The following IMMP1L variants were observed in gnomAD, a reference collection of about 807,000 sequenced individuals.
IMMP1L encodes mitochondrial inner membrane protease subunit 1.
IMMP1L carries 24 observed loss-of-function variants against 21.8 expected under a neutral mutation model. The ratio of observed to expected loss-of-function variants is 1.10; its 90% CI spans 0.80 to 1.55. IMMP1L has a LOEUF of 1.55. Among genes scored for constraint, IMMP1L ranks in the 40% most tolerant of loss-of-function variants. The probability of loss-of-function intolerance (pLI) is 0.00; values close to 1 mark genes in which losing one functional copy is unlikely to be tolerated. For synonymous variants in IMMP1L, 46 were observed against 62.8 expected (o/e 0.73, Z 1.26); for missense variants, 195 against 200.7 (o/e 0.97, Z 0.17).
intron 1 of IMMP1L, among the ~76,000 whole-genome samples, chr11:31,470,237 A>G (rs1419193160): frequency 6.6e-6 from 1 of 152,130 alleles, no homozygotes; most frequent in Non-Finnish European, 1.5e-5. Flanking sequence ...AACAAGGAGA[A>G]ACCCCGTCTC....
At chr11:31,454,449 C>CCAA (rs1953869157) in intron 4 of IMMP1L, among the ~76,000 whole-genome samples, 2 of 30,406 alleles carry the variant, frequency 6.6e-5, no homozygotes, top group African/African-American at 1.8e-4. Context: ...AAGACCATGT[C>CCAA]AAAAAAAAAA....
intron 4 of IMMP1L, among the ~76,000 whole-genome samples, chr11:31,438,432 C>A (rs1953199061): frequency 6.6e-6 from 1 of 152,006 alleles, no homozygotes; most frequent in Non-Finnish European, 1.5e-5. Context: ...GGATACAAGT[C>A]CTTTGATGGG....
intron 1 of IMMP1L, among the ~76,000 whole-genome samples, chr11:31,464,266 C>A (rs992413726): frequency 6.6e-6 from 1 of 151,812 alleles, no homozygotes; most frequent in African/African-American, 2.4e-5. Flanking sequence ...TGCTTATTAT[C>A]ATCACAAAGT....
At chr11:31,473,874 T>C in intron 1 of IMMP1L, 2 of 280,774 alleles carry the variant, frequency 7.1e-6, no homozygotes, top group Non-Finnish European at 1.1e-5. Flanking sequence ...TATATATGTA[T>C]ATATATGTCA....
intron 1 of IMMP1L, among the ~76,000 whole-genome samples, chr11:31,490,100 G>A (rs146302063): frequency 4.6e-4 from 70 of 152,266 alleles, no homozygotes; most frequent in African/African-American, 1.6e-3. Flanking sequence ...ACATTGATGT[G>A]AGTAAATATT....
intron 1 of IMMP1L, among the ~76,000 whole-genome samples, chr11:31,483,684 AAT>A (rs1375582246): frequency 1.6e-4 from 24 of 151,994 alleles, no homozygotes; most frequent in African/African-American, 5.8e-4. Context: ...CAGTATACAG[AAT>A]ATATGATTGC....
intron 1 of IMMP1L, among the ~76,000 whole-genome samples, chr11:31,470,073 A>G (rs1591994313): frequency 6.6e-6 from 1 of 152,374 alleles, no homozygotes; most frequent in East Asian, 1.9e-4. Flanking sequence ...GTAATAAAAT[A>G]TACGCTAACA....
At chr11:31,484,565 C>T (rs1285964802) in intron 1 of IMMP1L, among the ~76,000 whole-genome samples, 1 of 151,846 alleles carries the variant, frequency 6.6e-6, no homozygotes, top group Non-Finnish European at 1.5e-5. Flanking sequence ...ACACACAAAG[C>T]TACAATGAAA....
At chr11:31,453,133 C>T in intron 4 of IMMP1L, 1 of 1,284,370 alleles carries the variant, frequency 7.8e-7, no homozygotes, top group African/African-American at 1.5e-5. Context: ...GCGTTGCTTG[C>T]CATGTGGTCT....
intron 4 of IMMP1L, among the ~76,000 whole-genome samples, chr11:31,440,783 C>T (rs919999148): frequency 5.9e-5 from 9 of 152,290 alleles, no homozygotes; most frequent in African/African-American, 2.2e-4. Flanking sequence ...GCTTTGGCAT[C>T]TCCATCTTGC....
At chr11:31,439,200 T>A (rs2133554326) in intron 4 of IMMP1L, among the ~76,000 whole-genome samples, 1 of 152,238 alleles carries the variant, frequency 6.6e-6, no homozygotes, top group East Asian at 1.9e-4. Flanking sequence ...TAGATCACCT[T>A]CTCTTCTACC....
At chr11:31,473,110 C>A (rs1373990927) in intron 1 of IMMP1L, among the ~76,000 whole-genome samples, 1 of 152,110 alleles carries the variant, frequency 6.6e-6, no homozygotes, top group East Asian at 1.9e-4. Flanking sequence ...AGTGTAGTGG[C>A]GCGATCTTGG....
chr11:31,506,711 C>T (rs1163391814), intron 1 of IMMP1L, among the ~76,000 whole-genome samples: 4 of 148,880 alleles, frequency 2.7e-5, no homozygotes, highest in Non-Finnish European at 5.9e-5. Context: ...CCTGTAATCT[C>T]AACACTTTGG....
chr11:31,471,680 G>C (rs1954556616), intron 1 of IMMP1L, among the ~76,000 whole-genome samples: 1 of 152,066 alleles, frequency 6.6e-6, no homozygotes, highest in Non-Finnish European at 1.5e-5. Flanking sequence ...AAATAAGGGA[G>C]CTCTTGCCTC....
chr11:31,474,204 T>C (rs1258088612), intron 1 of IMMP1L, among the ~76,000 whole-genome samples: 2 of 152,132 alleles, frequency 1.3e-5, no homozygotes, highest in Admixed American at 6.5e-5. Flanking sequence ...CCCCACAGAA[T>C]GATGCATAAA....
At chr11:31,467,117 T>C (rs1954383788) in intron 1 of IMMP1L, among the ~76,000 whole-genome samples, 1 of 152,142 alleles carries the variant, frequency 6.6e-6, no homozygotes, top group South Asian at 2.1e-4. Flanking sequence ...TTGTAGTATT[T>C]TATGTATATT....
intron 1 of IMMP1L, among the ~76,000 whole-genome samples, chr11:31,508,907 A>G (rs1013880563): frequency 6.6e-6 from 1 of 152,230 alleles, no homozygotes; most frequent in East Asian, 1.9e-4. Flanking sequence ...CAGGGTTCAT[A>G]AAATAAAGTA....
At chr11:31,485,480 G>A (rs1955042101) in intron 1 of IMMP1L, among the ~76,000 whole-genome samples, 1 of 151,830 alleles carries the variant, frequency 6.6e-6, no homozygotes, top group African/African-American at 2.4e-5. Context: ...AAATCGGTCT[G>A]AGGTTATCTC....
At chr11:31,453,697 A>T (rs554629719) in intron 4 of IMMP1L, among the ~76,000 whole-genome samples, 1 of 152,216 alleles carries the variant, frequency 6.6e-6, no homozygotes, top group Non-Finnish European at 1.5e-5. Context: ...AATTCTTAGG[A>T]CTTGAATAAC....
Sources: allele counts gnomAD v4.1 joint callset (sites outside exome capture counted in the v4.1 genomes callset), GRCh38; gene constraint gnomAD v4.1.1; transcripts MANE v1.5; gene names NCBI Gene and HGNC (gene_info 2026-07-23, HGNC 2026-07-21).